Variants in CCR3 observed in about 807,000 individuals in gnomAD.
CCR3 encodes the protein C-C chemokine receptor type 3.
For synonymous variants in CCR3, 203 were observed against 179.2 expected (o/e 1.13, Z -1.06); for missense variants, 419 against 437.5 (o/e 0.96, Z 0.38).
At chr3:46,237,595 T>C (rs575884004), upstream of CCR3, among the ~76,000 whole-genome samples, 180 of 152,354 alleles carry the variant, frequency 1.2e-3, 1 homozygote, top group African/African-American at 4.2e-3. Context: ...TTTTAATCCA[T>C]TATAAGTATA....
At chr3:46,258,247 A>G (rs1424450836) in intron 1 of CCR3, among the ~76,000 whole-genome samples, 1 of 152,234 alleles carries the variant, frequency 6.6e-6, no homozygotes, top group African/African-American at 2.4e-5. Context: ...ATGCATACAC[A>G]TCTCCTTAAA....
At position 46,266,137 on chromosome 3, in the gene CCR3, T is replaced by C. The variant is rs1700629020; in HGVS notation, c.979T>C (p.Tyr327His). 6.2e-6 allele frequency: 10 copies of C among 1,614,000 alleles called. No individual in the cohort carries two copies. The highest frequency in any genetic ancestry group is 7.6e-6 in the Non-Finnish European group (9 of 1,180,002). The part of the protein sequence containing the change: ...HRHLLMHLGR[Y>H]IPFLPSEKLE... ...GCACTTGCTCATGCACCTGGGCAGA[T>C]ACATCCCATTCCTTCCTAGTGAGAA... Residue 327 changes from tyrosine (Y) to histidine (H), a missense_variant, in exon 2 of 2, where the codon TAC becomes CAC. Coordinates refer to ENST00000395940, the MANE Select transcript of CCR3 (RefSeq NM_178329.3).
intron 2 of CCR3, among the ~76,000 whole-genome samples, chr3:46,230,597 A>G (rs536192527): frequency 6.6e-6 from 1 of 152,058 alleles, no homozygotes; most frequent in Admixed American, 6.5e-5. Context: ...TGAACTGGTA[A>G]AAAGAAATGC....
intron 1 of CCR3, among the ~76,000 whole-genome samples, chr3:46,248,971 T>G (rs1700253701): frequency 6.6e-6 from 1 of 152,122 alleles, no homozygotes; most frequent in South Asian, 2.1e-4. Flanking sequence ...TAAGGAGAGT[T>G]TATAGGCTTT....
intron 2 of CCR3, among the ~76,000 whole-genome samples, chr3:46,229,908 T>C (rs35678191): frequency 0.16 from 24,152 of 151,994 alleles, 2,911 homozygotes; most frequent in African/African-American, 0.33. Context: ...GGAGGCCAAG[T>C]AAGAGCGTGG....
chr3:46,213,963 C>T (rs941851631), intron 2 of CCR3, among the ~76,000 whole-genome samples: 11 of 152,200 alleles, frequency 7.2e-5, no homozygotes, highest in African/African-American at 1.9e-4. Context: ...GTCATGCCCA[C>T]TTGGCAAAAT....
intron 1 of CCR3, among the ~76,000 whole-genome samples, chr3:46,246,784 T>C (rs894163610): frequency 1.6e-4 from 25 of 152,070 alleles, no homozygotes; most frequent in African/African-American, 4.1e-4. Flanking sequence ...AGTGTTGGGG[T>C]GGCGAAAATT....
chr3:46,216,958 T>G (rs1699782393), intron 2 of CCR3, among the ~76,000 whole-genome samples: 1 of 152,072 alleles, frequency 6.6e-6, no homozygotes, highest in African/African-American at 2.4e-5. Flanking sequence ...AAAAAAGGTA[T>G]TCAGGCAACA....
In CCR3 at chr3:46,258,073, G is replaced by A. The variant is rs1011637745; in HGVS notation, c.-11-7075G>A. On this transcript the variant is annotated intron_variant, in intron 1 of 1. Coordinates refer to ENST00000395940, the MANE Select transcript of CCR3 (RefSeq NM_178329.3). The stretch of plus-strand genomic sequence containing the variant: ...TGGATGGTGCCTGTCAACCCTGAAA[G>A]CAGATCTTTCCCACCTAATCCACTC... Among the ~76,000 whole-genome samples the A allele has an allele frequency of 2.0e-5, 3 of 152,202 alleles. No homozygotes were observed. The East Asian group carries it at 5.8e-4, about 29-fold the overall frequency.
At chr3:46,237,242 AT>A (rs1408324818) in intron 2 of CCR3, among the ~76,000 whole-genome samples, 1 of 152,140 alleles carries the variant, frequency 6.6e-6, no homozygotes, top group Non-Finnish European at 1.5e-5. Context: ...CAATAATGGG[AT>A]TGCTGGATTG....
intron 1 of CCR3, among the ~76,000 whole-genome samples, chr3:46,250,024 AC>A (rs1482684504): frequency 2.6e-5 from 4 of 151,878 alleles, no homozygotes; most frequent in Non-Finnish European, 5.9e-5. Flanking sequence ...TGGCCTTTTG[AC>A]CTTTTAGGGT....
At chr3:46,221,788 A>G (rs1283165206) in intron 2 of CCR3, among the ~76,000 whole-genome samples, 2 of 152,120 alleles carry the variant, frequency 1.3e-5, no homozygotes, top group African/African-American at 4.8e-5. Flanking sequence ...CTTCCAAAGG[A>G]TCATCCTGTG....
chr3:46,231,331 G>T (rs1447381352), intron 2 of CCR3, among the ~76,000 whole-genome samples: 1 of 152,224 alleles, frequency 6.6e-6, no homozygotes, highest in African/African-American at 2.4e-5. Flanking sequence ...GACTTTCTGA[G>T]AATCCTGATC....
intron 2 of CCR3, among the ~76,000 whole-genome samples, chr3:46,223,111 T>C (rs1333300479): frequency 6.6e-6 from 1 of 152,214 alleles, no homozygotes; most frequent in Non-Finnish European, 1.5e-5. Flanking sequence ...CCTAACACTT[T>C]GGGAGGCTGA....
At chr3:46,257,159 C>T (rs1381235804) in intron 1 of CCR3, among the ~76,000 whole-genome samples, 1 of 152,162 alleles carries the variant, frequency 6.6e-6, no homozygotes, top group African/African-American at 2.4e-5. Context: ...AGAAGTGATA[C>T]ACAATTGAGT....
chr3:46,246,907 TGTG>T (rs1325855731), intron 1 of CCR3, among the ~76,000 whole-genome samples: 7 of 151,780 alleles, frequency 4.6e-5, no homozygotes, highest in African/African-American at 1.7e-4. Context: ...AGGGAGGTCT[TGTG>T]GTAAGGGGTG....
chr3:46,264,411 T>G (rs1365100041), intron 1 of CCR3: 1 of 1,533,712 alleles, frequency 6.5e-7, no homozygotes, highest in African/African-American at 1.4e-5. Context: ...ATTATGCCAT[T>G]TGGAATAAGA....
rs1027133783 is a variant in CCR3, at chr3:46,265,287, G to T, written c.129G>T (p.Leu43=). The part of the protein sequence containing the change: ...MAQFVPPLYS[L]VFTVGLLGNV... ...AGTTTGTGCCCCCGCTGTACTCCCTGGTGTTCACTGTGGGCCTCTTGGGCA... is the reference window on the plus strand; with the variant it reads ...AGTTTGTGCCCCCGCTGTACTCCCTTGTGTTCACTGTGGGCCTCTTGGGCA... The change falls in exon 2 of 2, where the codon CTG becomes CTT. Residue 43 remains leucine (L), a synonymous_variant. Coordinates refer to ENST00000395940, the MANE Select transcript of CCR3 (RefSeq NM_178329.3). The T allele has an allele frequency of 1.2e-6, 2 of 1,614,046 alleles. No individual in the cohort carries two copies. The highest frequency in any genetic ancestry group is 1.7e-5 in the Admixed American group (1 of 60,014).
intron 1 of CCR3, among the ~76,000 whole-genome samples, chr3:46,260,435 A>G (rs1475759179): frequency 6.6e-6 from 1 of 152,228 alleles, no homozygotes; most frequent in East Asian, 1.9e-4. Flanking sequence ...CAAGTTACTT[A>G]CTTCCTAGAT....
Sources: gnomAD v4.1 joint callset for allele counts (sites outside exome capture counted in the v4.1 genomes callset) on GRCh38, gnomAD v4.1.1 for gene constraint, MANE v1.5 for transcripts, NCBI Gene and HGNC (gene_info 2026-07-23, HGNC 2026-07-21) for gene names.